Variants in ZNF277 observed in about 807,000 individuals in gnomAD.
ZNF277 encodes zinc finger protein 277.
A neutral mutation model predicts 60.7 loss-of-function variants in ZNF277; 55 were observed. The ratio of observed to expected loss-of-function variants is 0.91; its 90% CI spans 0.73 to 1.13. The LOEUF (loss-of-function observed/expected upper bound fraction) is 1.13. Among genes scored for constraint, ZNF277 ranks in the 50% most tolerant of loss-of-function variants. ZNF277 has a pLI of 0.00. For missense variants in ZNF277, 510 were observed against 523.0 expected (o/e 0.98, Z 0.24); for synonymous variants, 178 against 179.3 (o/e 0.99, Z 0.06).
rs531032410 is a variant in ZNF277 at position 112,245,105 on chromosome 7, G to A, written c.91+38298G>A. On this transcript the variant is annotated intron_variant, in intron 1 of 11. Transcript: ENST00000361822. ...TTCTCACATCTACTCTTCTTTTCTAGCCTTCCCTTCAGAAACTTCTTGTTC... is the reference window on the plus strand; with the variant it reads ...TTCTCACATCTACTCTTCTTTTCTAACCTTCCCTTCAGAAACTTCTTGTTC... Among the ~76,000 whole-genome samples, 3 of 152,142 alleles carry A rather than the reference G, an allele frequency of 2.0e-5. 1 individual carries two copies. In the South Asian group the frequency reaches 6.2e-4, roughly 32 times the overall value.
chr7:112,219,365 GC>G (rs1195427379), intron 1 of ZNF277, among the ~76,000 whole-genome samples: 1 of 152,134 alleles, frequency 6.6e-6, no homozygotes, highest in Non-Finnish European at 1.5e-5. Flanking sequence ...TTAGGTTGAA[GC>G]CTTTAATCTA....
At chr7:112,340,762 T>C (rs1563235307) in intron 10 of ZNF277, 110 bp from the exon 11 acceptor site, 1 of 857,638 alleles carries the variant, frequency 1.2e-6, no homozygotes. Context: ...ATAATTGTAC[T>C]GCCTCTTCAG....
intron 1 of ZNF277, among the ~76,000 whole-genome samples, chr7:112,272,512 G>A (rs995498626): frequency 5.9e-5 from 9 of 151,616 alleles, no homozygotes; most frequent in African/African-American, 1.9e-4. Context: ...TTATTTTTTC[G>A]AGACAGAGTC....
intron 4 of ZNF277, among the ~76,000 whole-genome samples, chr7:112,301,854 C>T (rs1229631874): frequency 1.3e-5 from 2 of 152,132 alleles, no homozygotes; most frequent in Admixed American, 1.3e-4. Context: ...TACGTATGAA[C>T]TGAAATTTCA....
intron 1 of ZNF277, among the ~76,000 whole-genome samples, chr7:112,264,845 A>C (rs1791513356): frequency 6.6e-6 from 1 of 152,150 alleles, no homozygotes; most frequent in African/African-American, 2.4e-5. Flanking sequence ...ACCTTAATTA[A>C]AAGATACTTA....
chr7:112,274,867 C>A (rs1052615987), intron 1 of ZNF277, among the ~76,000 whole-genome samples: 4 of 152,164 alleles, frequency 2.6e-5, no homozygotes, highest in African/African-American at 9.7e-5. Context: ...GGCCAATAAC[C>A]AATCAAATCT....
At chr7:112,309,806 G>T (rs1413518373) in intron 4 of ZNF277, among the ~76,000 whole-genome samples, 2 of 151,894 alleles carry the variant, frequency 1.3e-5, no homozygotes, top group Non-Finnish European at 2.9e-5. Flanking sequence ...TACTCTCTCA[G>T]GTTCAGTAGT....
intron 1 of ZNF277, among the ~76,000 whole-genome samples, chr7:112,243,622 C>T (rs1246714441): frequency 6.6e-6 from 1 of 150,626 alleles, no homozygotes; most frequent in Non-Finnish European, 1.5e-5. Flanking sequence ...AAAACCAAAA[C>T]ACAATACCAT....
chr7:112,266,509 T>C (rs1267865214), intron 1 of ZNF277, among the ~76,000 whole-genome samples: 1 of 152,108 alleles, frequency 6.6e-6, no homozygotes, highest in Admixed American at 6.6e-5. Context: ...CTAACATTGG[T>C]CCAGGGTTGT....
intron 4 of ZNF277, among the ~76,000 whole-genome samples, chr7:112,315,454 A>G (rs1792823275): frequency 6.6e-6 from 1 of 152,114 alleles, no homozygotes; most frequent in African/African-American, 2.4e-5. Context: ...AGGGAGATAA[A>G]CATAGATGGC....
At chr7:112,298,604 A>G (rs955100459) in intron 4 of ZNF277, among the ~76,000 whole-genome samples, 5 of 152,180 alleles carry the variant, frequency 3.3e-5, no homozygotes, top group African/African-American at 1.2e-4. Flanking sequence ...TGAAGAAAAG[A>G]GTAAATGTAG....
intron 1 of ZNF277, among the ~76,000 whole-genome samples, chr7:112,283,576 T>A (rs1791995942): frequency 6.6e-6 from 1 of 152,194 alleles, no homozygotes; most frequent in Admixed American, 6.6e-5. Context: ...CACAAGTTTC[T>A]CTTGCATGAA....
chr7:112,238,797 A>ATTTTTTTTTTT (rs200616379), intron 1 of ZNF277, among the ~76,000 whole-genome samples: 1 of 124,406 alleles, frequency 8.0e-6, no homozygotes, highest in Non-Finnish European at 1.9e-5. Flanking sequence ...TTTTTACTTA[A>ATTTTTTTTTTT]TTTTTTTTTT....
chr7:112,299,479 C>T (rs1277978264), intron 4 of ZNF277, among the ~76,000 whole-genome samples: 1 of 152,092 alleles, frequency 6.6e-6, no homozygotes, highest in Non-Finnish European at 1.5e-5. Flanking sequence ...CATTGGAACT[C>T]GTGAAGATGT....
chr7:112,285,290 A>T (rs1294388575), intron 1 of ZNF277, among the ~76,000 whole-genome samples: 2 of 151,930 alleles, frequency 1.3e-5, no homozygotes, highest in African/African-American at 2.4e-5. Context: ...TCTGCCTCCC[A>T]AAGTGCTGGG....
chr7:112,219,567 T>A (rs935650067), intron 1 of ZNF277, among the ~76,000 whole-genome samples: 2 of 152,178 alleles, frequency 1.3e-5, no homozygotes, highest in African/African-American at 4.8e-5. Flanking sequence ...CTGTTCTGTT[T>A]CATTGGTCCG....
rs950247526 is a variant in ZNF277, at chr7:112,250,621, A to G, written c.92-36252A>G. Among the ~76,000 whole-genome samples, 8 of 152,284 alleles carry G rather than the reference A, an allele frequency of 5.3e-5. No individual in the cohort carries two copies. The East Asian group carries it at 1.4e-3, about 26-fold the overall frequency. On this transcript the variant is annotated intron_variant, in intron 1 of 11. Coordinates refer to ENST00000361822, the MANE Select transcript of ZNF277 (RefSeq NM_021994.3). ...GTCCCTTTATTTCTCAAGCTGGCCA[A>G]CGCTTCAGGAAAATAGAAAAGAACC... is the stretch of plus-strand genomic sequence containing the variant.
At chr7:112,309,394 T>A (rs540894659) in intron 4 of ZNF277, among the ~76,000 whole-genome samples, 16 of 152,006 alleles carry the variant, frequency 1.1e-4, no homozygotes, top group African/African-American at 2.6e-4. Context: ...TTTAAGACTA[T>A]ATAGAAAAAT....
rs1004067309 is a variant in ZNF277 at position 112,206,792 on chromosome 7, G to A, written c.76G>A (p.Gly26Ser). ...DRDGSCSTVG[G>S]VGYGDSKDCI... The stretch of plus-strand genomic sequence containing the variant: ...TGATGGGAGCTGCAGCACAGTCGGG[G>A]GTGTAGGTTATGGGGGTGAGTACGG... The change falls in exon 1 of 12, where the codon GGT becomes AGT. Residue 26 changes from glycine (G) to serine (S), a missense_variant. Transcript: ENST00000361822. The A allele has an allele frequency of 2.5e-6, 4 of 1,613,250 alleles. No homozygotes were observed. The highest frequency in any genetic ancestry group is 2.7e-5 in the African/African-American group (2 of 74,882).
Sources: gnomAD v4.1 joint callset for allele counts (sites outside exome capture counted in the v4.1 genomes callset) on GRCh38, gnomAD v4.1.1 for gene constraint, MANE v1.5 for transcripts, NCBI Gene and HGNC (gene_info 2026-07-23, HGNC 2026-07-21) for gene names.